Variants in PBX1 observed in about 807,000 individuals in gnomAD.
PBX1 encodes the protein pre-B-cell leukemia transcription factor 1.
In PBX1, 6 loss-of-function variants were observed where a neutral mutation model predicts 53.4. That is an observed-to-expected ratio of 0.11 (90% confidence interval 0.06 to 0.22). The LOEUF (loss-of-function observed/expected upper bound fraction) is 0.22. Ranked by LOEUF, PBX1 falls within the 10% of genes least tolerant of loss-of-function variation. The pLI, the probability that PBX1 is intolerant of heterozygous loss-of-function variation, is 1.00. For missense variants in PBX1, 251 were observed against 551.4 expected (o/e 0.46, Z 5.46); for synonymous variants, 204 against 212.3 (o/e 0.96, Z 0.34).
chr1:164,736,880 C>T (rs565144523), intron 2 of PBX1, among the ~76,000 whole-genome samples: 1 of 152,148 alleles, frequency 6.6e-6, no homozygotes, highest in Non-Finnish European at 1.5e-5. Context: ...GAGTTTCACT[C>T]TATTAAAAGA....
Position 164,625,663 on chromosome 1 carries a change from T to G in PBX1, c.265+62352T>G, listed in dbSNP as rs12404193. On this transcript the variant is annotated intron_variant, in intron 2 of 8. Coordinates refer to ENST00000420696, the MANE Select transcript of PBX1 (RefSeq NM_002585.4). ...CACTGAGTCGTTTGAAATTGGAAAA[T>G]TAGCAGCTTCTTTGAAGCTCATAAG... 5.9e-3 allele frequency among the ~76,000 whole-genome samples: 903 copies of G among 152,100 alleles called. 18 individuals carry two copies. The East Asian group carries it at 0.065, about 11-fold the overall frequency.
chr1:164,691,242 G>A (rs563368051), intron 2 of PBX1, among the ~76,000 whole-genome samples: 60 of 152,044 alleles, frequency 3.9e-4, no homozygotes, highest in Admixed American at 2.1e-3. Flanking sequence ...TCGAACTCCC[G>A]GCCTCAAGTG....
chr1:164,730,719 G>A (rs548696063), intron 2 of PBX1, among the ~76,000 whole-genome samples: 11 of 152,246 alleles, frequency 7.2e-5, no homozygotes, highest in East Asian at 1.9e-4. Context: ...ACTGCTTTGC[G>A]TAAGTTTAAT....
chr1:164,795,016 T>G (rs1160177670), intron 3 of PBX1, among the ~76,000 whole-genome samples: 1 of 152,152 alleles, frequency 6.6e-6, no homozygotes, highest in African/African-American at 2.4e-5. Flanking sequence ...CCAAAATGAG[T>G]AAAAATTATG....
At chr1:164,619,900 G>A (rs570997613) in intron 2 of PBX1, among the ~76,000 whole-genome samples, 21 of 152,332 alleles carry the variant, frequency 1.4e-4, no homozygotes, top group African/African-American at 4.3e-4. Context: ...GAGGCCAGGC[G>A]CCGTGGCCCA....
At chr1:164,711,010 A>T (rs910019982) in intron 2 of PBX1, among the ~76,000 whole-genome samples, 1 of 152,194 alleles carries the variant, frequency 6.6e-6, no homozygotes, top group South Asian at 2.1e-4. Flanking sequence ...CTGCTGCTCA[A>T]TGCAGGGAGA....
chr1:164,734,034 G>A lies in PBX1; in HGVS notation c.266-58460G>A, dbSNP rs1020565708. Among the ~76,000 whole-genome samples the A allele has an allele frequency of 2.0e-5, 3 of 152,184 alleles. No homozygotes were observed. The South Asian group carries it at 6.2e-4, about 32-fold the overall frequency. On this transcript the variant is annotated intron_variant, in intron 2 of 8. Transcript: ENST00000420696. ...TACGTACCAAATATTGCTATGTTGT[G>A]TAAGTGTGGATTCATTTTGTATGTG...
intron 8 of PBX1, among the ~76,000 whole-genome samples, chr1:164,830,664 ACT>A (rs1670709003): frequency 6.6e-6 from 1 of 151,916 alleles, no homozygotes; most frequent in South Asian, 2.1e-4. Context: ...CTCATCTTGA[ACT>A]CTTTCTTTAA....
intron 2 of PBX1, among the ~76,000 whole-genome samples, chr1:164,709,691 G>A (rs1295158754): frequency 3.3e-5 from 5 of 152,104 alleles, no homozygotes; most frequent in Non-Finnish European, 7.3e-5. Context: ...GAAGAGCGAA[G>A]GCAGGTGTTG....
intron 2 of PBX1, among the ~76,000 whole-genome samples, chr1:164,679,668 C>A (rs1018122121): frequency 6.6e-6 from 1 of 152,148 alleles, no homozygotes; most frequent in African/African-American, 2.4e-5. Flanking sequence ...AGGTTGTATT[C>A]ATTTAAGCAT....
intron 2 of PBX1, among the ~76,000 whole-genome samples, chr1:164,580,578 G>A (rs563463860): frequency 6.6e-6 from 1 of 151,780 alleles, no homozygotes; most frequent in Non-Finnish European, 1.5e-5. Flanking sequence ...ACCATTCCCA[G>A]CCAAGTTTGT....
At chr1:164,700,771 TTGG>T in intron 2 of PBX1, 1 of 975,046 alleles carries the variant, frequency 1.0e-6, no homozygotes, top group South Asian at 4.8e-5. Flanking sequence ...TTCCCTTGTG[TTGG>T]GTTTCTATGA....
chr1:164,603,928 CATTTTTTTTTTTT>C lies in PBX1; in HGVS notation c.265+40618_265+40630del, dbSNP rs1182055450. On this transcript the variant is annotated intron_variant, in intron 2 of 8. Transcript: ENST00000420696. ...AGACACTCTGTACATTATGTCATTT[CATTTTTTTTTTTT>C]TTTTTTTTTTTTTTTTTTTTTAGAG... is the stretch of plus-strand genomic sequence containing the variant. 1.6e-3 allele frequency among the ~76,000 whole-genome samples: 77 copies of C among 48,764 alleles called. 1 individual carries two copies. Among genetic ancestry groups the C allele is most frequent in the African/African-American group, 6.3e-3 (70 of 11,186 alleles). 32.0% of individuals were successfully genotyped at this position (48,764 alleles called of 152,430 possible).
chr1:164,587,944 A>T (rs577383480), intron 2 of PBX1, among the ~76,000 whole-genome samples: 2 of 152,228 alleles, frequency 1.3e-5, no homozygotes, highest in Admixed American at 6.5e-5. Flanking sequence ...GCAAGAAGAG[A>T]AGAGAAAGAG....
At chr1:164,737,379 T>C (rs1453964824) in intron 2 of PBX1, among the ~76,000 whole-genome samples, 4 of 152,258 alleles carry the variant, frequency 2.6e-5, no homozygotes, top group African/African-American at 9.6e-5. Flanking sequence ...TTATTTTTGA[T>C]CAATGAGGTA....
chr1:164,874,050 G>C (rs1370860819), intron 2 of PBX1, among the ~76,000 whole-genome samples: 1 of 151,956 alleles, frequency 6.6e-6, no homozygotes, highest in Non-Finnish European at 1.5e-5. Flanking sequence ...AGAGGAGAGG[G>C]CACACACCTT....
chr1:164,878,693 A>T (rs575258802), intron 2 of PBX1, among the ~76,000 whole-genome samples: 2 of 152,314 alleles, frequency 1.3e-5, no homozygotes, highest in South Asian at 2.1e-4. Context: ...AAAAATCTAA[A>T]TATGAAGACC....
rs60440122 is a variant in PBX1, at chr1:164,661,424, G to GTT, written c.265+98132_265+98133dup. On this transcript the variant is annotated intron_variant, in intron 2 of 8. Transcript: ENST00000420696. Reference sequence around the variant, plus strand: ...TCACCAGCAATTTCACTGTAAGCCAGTTTTTTTTTTTTTTTTTTTTGAGAT... The same window carrying GTT: ...TCACCAGCAATTTCACTGTAAGCCAGTTTTTTTTTTTTTTTTTTTTTTGAGAT... 5.9e-4 allele frequency among the ~76,000 whole-genome samples: 76 copies of GTT among 127,978 alleles called. 1 individual carries two copies. The highest frequency in any genetic ancestry group is 6.4e-4 in the Non-Finnish European group (39 of 61,214). 84.0% of individuals were successfully genotyped at this position (127,978 alleles called of 152,430 possible). A position where few individuals can be genotyped will look rare whatever the true frequency, so the allele number is the denominator to read the frequency against.
intron 2 of PBX1, chr1:164,680,887 T>C (rs1277771642): frequency 1.3e-5 from 2 of 152,240 alleles, no homozygotes. Context: ...TTTCTGTGCA[T>C]TATTTCTAAT....
Sources: gnomAD v4.1 joint callset for allele counts (sites outside exome capture counted in the v4.1 genomes callset) on GRCh38, gnomAD v4.1.1 for gene constraint, MANE v1.5 for transcripts, NCBI Gene and HGNC (gene_info 2026-07-23, HGNC 2026-07-21) for gene names.